Variants in RASAL2 observed in about 807,000 individuals in gnomAD.
RASAL2 encodes ras GTPase-activating protein nGAP.
Under a neutral mutation model 128.9 loss-of-function variants are expected in RASAL2, and 58 were observed. The ratio of observed to expected loss-of-function variants is 0.45; its 90% CI spans 0.36 to 0.56. The LOEUF is 0.56. RASAL2 is among the 20% of genes least tolerant of loss of function. The probability of loss-of-function intolerance (pLI) is 0.00; values close to 1 mark genes in which losing one functional copy is unlikely to be tolerated. For missense variants in RASAL2, 1,360 were observed against 1,601.6 expected, an observed-to-expected ratio of 0.85 and a Z score of 2.57; for synonymous variants, 561 against 580.8, an observed-to-expected ratio of 0.97 and a Z score of 0.49.
intron 16 of RASAL2, 70 bp from the exon 17 acceptor site, chr1:178,467,264 T>C: frequency 7.9e-7 from 1 of 1,272,324 alleles, no homozygotes; most frequent in Non-Finnish European, 1.1e-6. Flanking sequence ...GGATATTGAG[T>C]TTTCCTGTTC....
chr1:178,420,259 A>G (rs1675055553), intron 4 of RASAL2, among the ~76,000 whole-genome samples: 1 of 152,212 alleles, frequency 6.6e-6, no homozygotes, highest in South Asian at 2.1e-4. Context: ...CATAACTAAT[A>G]TAAACATTAA....
intron 3 of RASAL2, among the ~76,000 whole-genome samples, chr1:178,327,318 A>C (rs1285763793): frequency 1.3e-5 from 2 of 152,068 alleles, no homozygotes; most frequent in African/African-American, 2.4e-5. Flanking sequence ...GAATATAATT[A>C]ATAAAATACA....
intron 3 of RASAL2, among the ~76,000 whole-genome samples, chr1:178,358,806 A>G (rs947894479): frequency 1.1e-4 from 16 of 152,204 alleles, no homozygotes; most frequent in Non-Finnish European, 1.9e-4. Context: ...CCTACAAAGG[A>G]TAAAAGAAGA....
intron 17 of RASAL2, 116 bp downstream of exon 17, chr1:178,467,537 TAGACGCTAC>T: frequency 1.3e-6 from 1 of 775,286 alleles, no homozygotes; most frequent in South Asian, 1.6e-5. Context: ...TGAAAAGTTC[TAGACGCTAC>T]ATTTTGAAGA....
At chr1:178,441,725 T>C in intron 7 of RASAL2, 78 bp downstream of exon 7, 1 of 1,088,340 alleles carries the variant, frequency 9.2e-7, no homozygotes, top group South Asian at 1.4e-5. Flanking sequence ...GTGGTAGTAA[T>C]ACCTTAATTT....
At chr1:178,331,447 G>A (rs1185992931) in intron 3 of RASAL2, among the ~76,000 whole-genome samples, 4 of 152,128 alleles carry the variant, frequency 2.6e-5, no homozygotes, top group African/African-American at 7.2e-5. Context: ...CTGTTATTTA[G>A]TGGAGGAAAA....
chr1:178,410,493 C>T (rs1572024467), intron 4 of RASAL2, among the ~76,000 whole-genome samples: 1 of 152,122 alleles, frequency 6.6e-6, no homozygotes, highest in East Asian at 1.9e-4. Flanking sequence ...AACCCAAAAG[C>T]AAATGCAACA....
chr1:178,382,501 A>G (rs1163620957), intron 3 of RASAL2, among the ~76,000 whole-genome samples: 8 of 152,160 alleles, frequency 5.3e-5, no homozygotes, highest in Non-Finnish European at 4.4e-5. Context: ...TACAAAACAC[A>G]TGGAGAACAG....
chr1:178,426,406 G>A (rs1194544275), intron 5 of RASAL2, among the ~76,000 whole-genome samples: 8 of 152,062 alleles, frequency 5.3e-5, no homozygotes, highest in African/African-American at 1.2e-4. Context: ...AGGCCAGGAC[G>A]TCAAGGCTGC....
intron 2 of RASAL2, among the ~76,000 whole-genome samples, chr1:178,288,238 G>C (rs1347156042): frequency 1.3e-5 from 2 of 152,140 alleles, no homozygotes; most frequent in Admixed American, 1.3e-4. Context: ...ACAGGAGCTT[G>C]AACTACACTT....
At chr1:178,169,884 C>G (rs530142448) in intron 1 of RASAL2, among the ~76,000 whole-genome samples, 2 of 152,064 alleles carry the variant, frequency 1.3e-5, no homozygotes, top group South Asian at 2.1e-4. Context: ...GAGCTGCCTT[C>G]TTAACATTCC....
intron 1 of RASAL2, among the ~76,000 whole-genome samples, chr1:178,118,898 G>A (rs756896826): frequency 4.6e-5 from 7 of 151,348 alleles, no homozygotes; most frequent in African/African-American, 9.7e-5. Flanking sequence ...ATGGAGTTTC[G>A]CTCTTGTTGC....
chr1:178,167,030 G>A lies in RASAL2; in HGVS notation c.202+72336G>A, dbSNP rs76992697. ...TCTTTCTAGCCCCTACTCTGAGGAA[G>A]GTTATTACTCAAAATGTTCAAACAA... On this transcript the variant is annotated intron_variant, in intron 1 of 17. Transcript: ENST00000367649. Among the ~76,000 whole-genome samples the A allele has an allele frequency of 1.8e-3, 281 of 152,132 alleles. 3 individuals carry two copies. Among genetic ancestry groups the A allele is most frequent in the East Asian group, 0.01 (53 of 5,180 alleles).
chr1:178,339,544 C>T (rs752506788), intron 3 of RASAL2, among the ~76,000 whole-genome samples: 2 of 152,082 alleles, frequency 1.3e-5, no homozygotes, highest in African/African-American at 2.4e-5. Context: ...TCATTGGTTA[C>T]GAATAGCCTC....
chr1:178,245,693 G>A (rs1022947653), intron 1 of RASAL2, among the ~76,000 whole-genome samples: 3 of 152,052 alleles, frequency 2.0e-5, no homozygotes, highest in African/African-American at 7.2e-5. Flanking sequence ...GGGTTTTTAC[G>A]GTTTTAGGTT....
intron 1 of RASAL2, among the ~76,000 whole-genome samples, chr1:178,135,954 CAT>C (rs1453238665): frequency 6.6e-6 from 1 of 152,150 alleles, no homozygotes; most frequent in Non-Finnish European, 1.5e-5. Context: ...CCTCCCACAA[CAT>C]GTGGGAATTA....
intron 4 of RASAL2, among the ~76,000 whole-genome samples, chr1:178,403,303 A>G (rs1673769983): frequency 6.6e-6 from 1 of 152,078 alleles, no homozygotes; most frequent in South Asian, 2.1e-4. Flanking sequence ...AGTGAATTCA[A>G]CTTTTCTTAA....
At chr1:178,284,827 C>A (rs1666943137) in intron 2 of RASAL2, among the ~76,000 whole-genome samples, 1 of 152,042 alleles carries the variant, frequency 6.6e-6, no homozygotes, top group Non-Finnish European at 1.5e-5. Flanking sequence ...AGATTAATTG[C>A]CAAAACTATA....
intron 1 of RASAL2, among the ~76,000 whole-genome samples, chr1:178,197,056 A>C (rs1368451702): frequency 2.0e-5 from 3 of 152,188 alleles, no homozygotes; most frequent in Non-Finnish European, 2.9e-5. Context: ...GCTGACACCT[A>C]TAATCCCAGC....
Sources: allele counts gnomAD v4.1 joint callset (sites outside exome capture counted in the v4.1 genomes callset), GRCh38; gene constraint gnomAD v4.1.1; transcripts MANE v1.5; gene names NCBI Gene and HGNC (gene_info 2026-07-23, HGNC 2026-07-21).